Variants in COL15A1 observed in about 807,000 individuals in gnomAD.
COL15A1 encodes collagen alpha-1(XV) chain.
Under a neutral mutation model 165.9 loss-of-function variants are expected in COL15A1, and 111 were observed. The ratio of observed to expected loss-of-function variants is 0.67; its 90% CI spans 0.57 to 0.78. The LOEUF (loss-of-function observed/expected upper bound fraction) is 0.78, where lower values mean the gene tolerates loss of function less well. Ranked by LOEUF, COL15A1 falls within the 30% of genes least tolerant of loss-of-function variation. The pLI is 0.00. For missense variants in COL15A1, 1,745 were observed against 1,789.7 expected, an observed-to-expected ratio of 0.98 and a Z score of 0.45; for synonymous variants, 659 against 674.8, an observed-to-expected ratio of 0.98 and a Z score of 0.36.
rs541697177 is a variant in COL15A1 at position 99,057,582 on chromosome 9, A to G, written c.3337+1178A>G. ...ACAACACTTTAAAAAAAGCATTAAC[A>G]TCCCCATTGTACAGGTAAGGAAAGT... is the stretch of plus-strand genomic sequence containing the variant. On this transcript the variant is annotated intron_variant, in intron 35 of 41. Coordinates refer to ENST00000375001, the MANE Select transcript of COL15A1 (RefSeq NM_001855.5). 8.1e-4 allele frequency among the ~76,000 whole-genome samples: 123 copies of G among 152,310 alleles called. No individual in the cohort carries two copies. In the South Asian group the frequency reaches 0.013, roughly 16 times the overall value.
At position 99,045,384 on chromosome 9, in the gene COL15A1, C is replaced by G. The variant is rs913016027; in HGVS notation, c.2679+614C>G. 2.6e-5 allele frequency among the ~76,000 whole-genome samples: 4 copies of G among 152,238 alleles called. No homozygotes were observed. The East Asian group carries it at 7.7e-4, about 29-fold the overall frequency. On this transcript the variant is annotated intron_variant, in intron 26 of 41. Transcript: ENST00000375001. Reference sequence around the variant, plus strand: ...TGAGACCTTGTGCAAGCCCTCTTCTCTCTCTGGGCTCCTGTTTTCCCATCT... The same window carrying G: ...TGAGACCTTGTGCAAGCCCTCTTCTGTCTCTGGGCTCCTGTTTTCCCATCT...
chr9:99,050,274 A>G (rs1002185725), intron 30 of COL15A1, among the ~76,000 whole-genome samples: 7 of 152,222 alleles, frequency 4.6e-5, no homozygotes, highest in African/African-American at 4.8e-5. Context: ...GAACTTTGTA[A>G]CTAACTATGC....
rs879487162 is a variant in COL15A1 at position 99,038,439 on chromosome 9, C to T, written c.2410-229C>T. 2.8e-4 allele frequency among the ~76,000 whole-genome samples: 42 copies of T among 152,136 alleles called. No individual in the cohort carries two copies. In the East Asian group the frequency reaches 5.0e-3, roughly 18 times the overall value. ...TTAAACTCTAAAAAGAGAAGACATT[C>T]GTATATTGTGTGATTTAAAAATTAA... On this transcript the variant is annotated intron_variant, in intron 21 of 41. Coordinates refer to ENST00000375001, the MANE Select transcript of COL15A1 (RefSeq NM_001855.5).
At chr9:99,028,240 G>GT (rs774146012) in intron 16 of COL15A1, among the ~76,000 whole-genome samples, 2 of 152,042 alleles carry the variant, frequency 1.3e-5, no homozygotes, top group Non-Finnish European at 2.9e-5. Context: ...GGAAAAAAAT[G>GT]TTTTTTATAT....
At position 98,987,277 on chromosome 9, in the gene COL15A1, C is replaced by T. The variant is rs377559393; in HGVS notation, c.649-17C>T. 60 of 1,611,600 alleles carry T rather than the reference C, an allele frequency of 3.7e-5. No homozygotes were observed. In the African/African-American group the frequency reaches 7.6e-4, roughly 20 times the overall value. On this transcript the variant is annotated splice_polypyrimidine_tract_variant and intron_variant, in intron 3 of 41. Transcript: ENST00000375001. ...GTACGTGCAAACCGTGGCTTCTGAT[C>T]CGTCTCTTTTCCCCAGGGCTCCCTC...
intron 15 of COL15A1, among the ~76,000 whole-genome samples, chr9:99,025,561 G>A (rs147981843): frequency 5.9e-4 from 90 of 152,316 alleles, no homozygotes; most frequent in African/African-American, 1.3e-3. Context: ...GTCAAGAAGC[G>A]TCTGTACAGG....
rs1265253583 is a variant in COL15A1, at chr9:99,044,775, G to A, written c.2679+5G>A. 10 of 1,612,898 alleles carry A rather than the reference G, an allele frequency of 6.2e-6. No homozygotes were observed. Among genetic ancestry groups the A allele is most frequent in the Non-Finnish European group, 5.9e-6 (7 of 1,178,890 alleles). On this transcript the variant is annotated splice_donor_5th_base_variant and intron_variant, in intron 26 of 41. Transcript: ENST00000375001. ...CATGGAGCCCCAGGACCAATGGTAA[G>A]TCAGAGCGTCTCTCAGCTGGATCTG...
At chr9:99,002,208 C>T (rs1838670671) in intron 7 of COL15A1, among the ~76,000 whole-genome samples, 1 of 144,416 alleles carries the variant, frequency 6.9e-6, no homozygotes, top group Admixed American at 7.1e-5. Flanking sequence ...CTCCTTTTCT[C>T]TTTCTCCCTC....
intron 16 of COL15A1, among the ~76,000 whole-genome samples, chr9:99,027,645 C>T (rs1203313331): frequency 6.6e-6 from 1 of 152,128 alleles, no homozygotes; most frequent in South Asian, 2.1e-4. Flanking sequence ...CACTCTGCAG[C>T]TGCTTGAAGA....
At chr9:99,042,816 G>T (rs1393082014) in intron 24 of COL15A1, among the ~76,000 whole-genome samples, 3 of 152,144 alleles carry the variant, frequency 2.0e-5, no homozygotes, top group Non-Finnish European at 1.5e-5. Context: ...TTTTGTGTTT[G>T]CCTCTTAGAA....
intron 15 of COL15A1, 28 bp from the exon 16 acceptor site, chr9:99,025,876 T>C (rs370576409): frequency 1.9e-6 from 3 of 1,608,670 alleles, no homozygotes; most frequent in African/African-American, 1.3e-5. Context: ...AGAAATGTTG[T>C]GGGTTGATTG....
At chr9:98,967,509 G>A (rs1041684459) in intron 2 of COL15A1, among the ~76,000 whole-genome samples, 1 of 152,232 alleles carries the variant, frequency 6.6e-6, no homozygotes, top group African/African-American at 2.4e-5. Context: ...CCACTTGGCT[G>A]CCTCACCCCA....
intron 11 of COL15A1, among the ~76,000 whole-genome samples, chr9:99,018,368 G>C (rs1838971813): frequency 6.6e-6 from 1 of 152,114 alleles, no homozygotes; most frequent in South Asian, 2.1e-4. Flanking sequence ...TTTCAGCTTT[G>C]AGAAGTCAGT....
At chr9:99,034,205 C>T (rs1326822782) in intron 16 of COL15A1, among the ~76,000 whole-genome samples, 6 of 152,312 alleles carry the variant, frequency 3.9e-5, no homozygotes, top group South Asian at 2.1e-4. Context: ...CCTCTACCTC[C>T]GTCATGGGAA....
chr9:98,989,023 G>GACACACACACACACACAC, intron 4 of COL15A1, among the ~76,000 whole-genome samples, 155 bp from the exon 5 acceptor site: 2 of 144,392 alleles, frequency 1.4e-5, no homozygotes, highest in South Asian at 4.6e-4. Context: ...GTCTCTCATA[G>GACACACACACACACACAC]ACACACACAC....
intron 28 of COL15A1, among the ~76,000 whole-genome samples, chr9:99,048,481 A>T (rs1310476616): frequency 1.3e-5 from 2 of 152,188 alleles, no homozygotes; most frequent in East Asian, 1.9e-4. Context: ...GCCAATGTTT[A>T]TTCAGCAGCT....
chr9:99,018,341 C>T (rs1455044306), intron 11 of COL15A1, among the ~76,000 whole-genome samples: 1 of 152,156 alleles, frequency 6.6e-6, no homozygotes, highest in African/African-American at 2.4e-5. Context: ...TCAGTTTCTT[C>T]CTTAGACCCT....
At chr9:99,048,036 T>A in intron 28 of COL15A1, 36 bp downstream of exon 28, 1 of 1,192,228 alleles carries the variant, frequency 8.4e-7, no homozygotes, top group Non-Finnish European at 1.2e-6. Flanking sequence ...GAGGTTGGTG[T>A]CCAGAGAGGG....
chr9:98,993,348 T>C (rs1197032309), intron 5 of COL15A1, among the ~76,000 whole-genome samples: 1 of 152,208 alleles, frequency 6.6e-6, no homozygotes, highest in Non-Finnish European at 1.5e-5. Flanking sequence ...CTCGTTCCTC[T>C]TGGGGCCTCC....
Sources: allele counts gnomAD v4.1 joint callset (sites outside exome capture counted in the v4.1 genomes callset), GRCh38; gene constraint gnomAD v4.1.1; transcripts MANE v1.5; gene names NCBI Gene and HGNC (gene_info 2026-07-23, HGNC 2026-07-21).